DLGAP2: variants seen among roughly 807,000 people sequenced by gnomAD.
DLGAP2 encodes the protein disks large-associated protein 2.
In DLGAP2, 26 loss-of-function variants were observed where a neutral mutation model predicts 100.3. The ratio of observed to expected loss-of-function variants is 0.26; its 90% confidence interval spans 0.19 to 0.36. The LOEUF (loss-of-function observed/expected upper bound fraction) is 0.36, where lower values mean the gene tolerates loss of function less well. Ranked by LOEUF, DLGAP2 falls within the 10% of genes least tolerant of loss-of-function variation. The pLI is 1.00. For synonymous variants in DLGAP2, 886 were observed against 630.1 expected, an observed-to-expected ratio of 1.41 and a Z score of -6.08; for missense variants, 1,858 against 1,453.2, an observed-to-expected ratio of 1.28 and a Z score of -4.53.
chr8:1,279,959 C>T (rs934735333), intron 3 of DLGAP2, among the ~76,000 whole-genome samples: 1 of 152,172 alleles, frequency 6.6e-6, no homozygotes, highest in Non-Finnish European at 1.5e-5. Context: ...CAGGAGGTGC[C>T]TATGTTGTGT....
chr8:1,318,775 T>C (rs1800825585), intron 3 of DLGAP2, among the ~76,000 whole-genome samples: 1 of 65,180 alleles, frequency 1.5e-5, no homozygotes, highest in African/African-American at 8.0e-5. Context: ...TTGTCAGTGA[T>C]CAGCCCCCCC....
intron 2 of DLGAP2, among the ~76,000 whole-genome samples, chr8:1,048,931 C>T (rs758250529): frequency 4.6e-5 from 7 of 152,152 alleles, no homozygotes; most frequent in Non-Finnish European, 1.0e-4. Context: ...AACAGACTCA[C>T]GGGTAGAAAA....
chr8:1,307,942 G>C (rs1466107678), intron 3 of DLGAP2, among the ~76,000 whole-genome samples: 3 of 151,718 alleles, frequency 2.0e-5, no homozygotes, highest in Non-Finnish European at 2.9e-5. Context: ...TGGAGACAAT[G>C]GCACAATGGT....
chr8:1,339,365 A>G lies in DLGAP2; in HGVS notation c.106+80482A>G, dbSNP rs538592235. ...TGAGGACCCGGGAGGGAATGCAGTG[A>G]CTTCAGTAAGGCGTCAGGACCCTGG... On this transcript the variant is annotated intron_variant, in intron 3 of 14. Transcript: ENST00000637795. Among the ~76,000 whole-genome samples the G allele has an allele frequency of 7.9e-5, 12 of 151,980 alleles. No individual in the cohort carries two copies. The East Asian group carries it at 1.8e-3, about 22-fold the overall frequency.
intron 1 of DLGAP2, among the ~76,000 whole-genome samples, chr8:806,864 A>T (rs1408883905): frequency 6.6e-6 from 1 of 152,202 alleles, no homozygotes; most frequent in African/African-American, 2.4e-5. Flanking sequence ...ATTATCACCG[A>T]TACAAATGAC....
At chr8:1,175,849 A>G (rs1797241257) in intron 2 of DLGAP2, among the ~76,000 whole-genome samples, 1 of 152,218 alleles carries the variant, frequency 6.6e-6, no homozygotes, top group Non-Finnish European at 1.5e-5. Context: ...GATTTACACA[A>G]ACCTAGATTA....
intron 1 of DLGAP2, among the ~76,000 whole-genome samples, chr8:787,391 G>C (rs1329209157): frequency 6.6e-6 from 1 of 152,224 alleles, no homozygotes; most frequent in Non-Finnish European, 1.5e-5. Context: ...GTTGCAAGCC[G>C]AGGAAGGGTG....
At chr8:1,005,166 A>G (rs1445676595) in intron 2 of DLGAP2, among the ~76,000 whole-genome samples, 1 of 152,114 alleles carries the variant, frequency 6.6e-6, no homozygotes, top group Non-Finnish European at 1.5e-5. Flanking sequence ...TGGCCCACTG[A>G]TTGAGGCTAC....
chr8:1,381,782 A>AGTGTGT (rs72529197), intron 3 of DLGAP2, among the ~76,000 whole-genome samples: 7,602 of 141,654 alleles, frequency 0.054, 237 homozygotes, highest in African/African-American at 0.089. Context: ...GGGTTATTCT[A>AGTGTGT]GTGTGTGTGT....
chr8:1,073,159 C>T (rs1476904456), intron 2 of DLGAP2, among the ~76,000 whole-genome samples: 1 of 152,154 alleles, frequency 6.6e-6, no homozygotes, highest in Non-Finnish European at 1.5e-5. Context: ...TGTCTTCCAC[C>T]TTCTAAAATC....
rs774529893 is a variant in DLGAP2 at position 1,549,064 on chromosome 8, G to T, written c.611G>T (p.Arg204Leu). Reference protein sequence around the residue: ...DQFEKQLPLHRDGFHTLQYQR... With the variant: ...DQFEKQLPLHLDGFHTLQYQR... ...TTCGAGAAGCAGCTGCCGCTGCACCGGGACGGCTTCCACACGCTGCAGTAC... is the reference window on the plus strand; with the variant it reads ...TTCGAGAAGCAGCTGCCGCTGCACCTGGACGGCTTCCACACGCTGCAGTAC... Residue 204 changes from arginine (R) to leucine (L), a missense_variant, in exon 5 of 15, where the codon CGG becomes CTG. Transcript: ENST00000637795. 3.1e-6 allele frequency: 5 copies of T among 1,589,606 alleles called. No individual in the cohort carries two copies. The East Asian group carries it at 1.1e-4, about 36-fold the overall frequency.
chr8:1,092,827 C>A (rs1220701847), intron 2 of DLGAP2, among the ~76,000 whole-genome samples: 1 of 152,134 alleles, frequency 6.6e-6, no homozygotes, highest in Non-Finnish European at 1.5e-5. Flanking sequence ...GGGACGGATT[C>A]CTGGAAGGCC....
chr8:1,216,721 C>T (rs1798221293), intron 2 of DLGAP2, among the ~76,000 whole-genome samples: 1 of 152,114 alleles, frequency 6.6e-6, no homozygotes, highest in Non-Finnish European at 1.5e-5. Context: ...CTAGCCCTCC[C>T]TTTCTCTCTC....
At position 1,283,135 on chromosome 8, in the gene DLGAP2, C is replaced by G. The variant is rs531353309; in HGVS notation, c.106+24252C>G. Reference sequence around the variant, plus strand: ...CTGAACCATCCGGACATGGTGTGACCTGAACCCAGCACGTGAACCATCTGG... The same window carrying G: ...CTGAACCATCCGGACATGGTGTGACGTGAACCCAGCACGTGAACCATCTGG... On this transcript the variant is annotated intron_variant, in intron 3 of 14. Transcript: ENST00000637795. 4.7e-5 allele frequency among the ~76,000 whole-genome samples: 7 copies of G among 149,888 alleles called. No homozygotes were observed. In the East Asian group the frequency reaches 1.0e-3, roughly 21 times the overall value.
chr8:1,379,211 T>C (rs1268505786), intron 3 of DLGAP2, among the ~76,000 whole-genome samples: 1 of 152,264 alleles, frequency 6.6e-6, no homozygotes, highest in Non-Finnish European at 1.5e-5. Context: ...CGAGTCCTCC[T>C]GCCTTCGCAA....
chr8:1,178,703 T>G (rs1480066041), intron 2 of DLGAP2, among the ~76,000 whole-genome samples: 1 of 152,192 alleles, frequency 6.6e-6, no homozygotes, highest in East Asian at 1.9e-4. Context: ...TGTAGAAGTT[T>G]TAGCAACTGC....
rs575989368 is a variant in DLGAP2 at position 1,182,829 on chromosome 8, CG to C, written c.74-76021del. 1.1e-3 allele frequency among the ~76,000 whole-genome samples: 163 copies of C among 152,256 alleles called. 1 individual carries two copies. Among genetic ancestry groups the C allele is most frequent in the Middle Eastern group, 3.4e-3 (1 of 294 alleles). ...GGGTCGGCAACTCTGGGCAGTGGCGCGTGGGGGACGGACTCCGCAGCCTGTG... is the reference window on the plus strand; with the variant it reads ...GGGTCGGCAACTCTGGGCAGTGGCGCTGGGGGACGGACTCCGCAGCCTGTG... On this transcript the variant is annotated intron_variant, in intron 2 of 14. Coordinates refer to ENST00000637795, the MANE Select transcript of DLGAP2 (RefSeq NM_001346810.2).
intron 1 of DLGAP2, among the ~76,000 whole-genome samples, chr8:876,026 T>A (rs1797682651): frequency 6.6e-6 from 1 of 152,238 alleles, no homozygotes; most frequent in African/African-American, 2.4e-5. Flanking sequence ...ATTATGTTCT[T>A]AGTATAACAT....
At chr8:1,142,119 C>A (rs1025303401) in intron 2 of DLGAP2, among the ~76,000 whole-genome samples, 5 of 148,606 alleles carry the variant, frequency 3.4e-5, no homozygotes, top group Admixed American at 6.7e-5. Context: ...AATCGTTTTT[C>A]CTAAGAAATC....
Sources: gnomAD v4.1 joint callset for allele counts (sites outside exome capture counted in the v4.1 genomes callset) on GRCh38, gnomAD v4.1.1 for gene constraint, MANE v1.5 for transcripts, NCBI Gene and HGNC (gene_info 2026-07-23, HGNC 2026-07-21) for gene names.